NBAS: variants seen among roughly 807,000 people sequenced by gnomAD.
NBAS encodes the protein NBAS subunit of NRZ tethering complex.
Under a neutral mutation model 302.5 loss-of-function variants are expected in NBAS, and 219 were observed. The ratio of observed to expected loss-of-function variants is 0.72; its 90% CI spans 0.65 to 0.81. The LOEUF (loss-of-function observed/expected upper bound fraction) is 0.81. Among genes scored for constraint, NBAS ranks in the 30% least tolerant of loss-of-function variants. NBAS has a pLI of 0.00. For missense variants in NBAS, 2,932 were observed against 2,841.6 expected (o/e 1.03, Z -0.72); for synonymous variants, 1,118 against 1,021.6 (o/e 1.09, Z -1.80).
chr2:15,310,700 T>C (rs891236032), intron 38 of NBAS, among the ~76,000 whole-genome samples: 2 of 152,214 alleles, frequency 1.3e-5, no homozygotes, highest in Admixed American at 1.3e-4. Context: ...CCTCGCCTAT[T>C]ACTTCCCACG....
the NBAS span, among the ~76,000 whole-genome samples, chr2:15,154,761 A>C: frequency 6.6e-6 from 1 of 151,930 alleles, no homozygotes; most frequent in Admixed American, 6.6e-5. Flanking sequence ...AGCACCACAC[A>C]CCCTGGACAA....
intron 31 of NBAS, among the ~76,000 whole-genome samples, chr2:15,368,191 CTTTT>C (rs1197291033): frequency 4.7e-5 from 4 of 84,890 alleles, no homozygotes; most frequent in East Asian, 3.6e-4. Context: ...AATGTTTTGA[CTTTT>C]TTTTTTTTTT....
At chr2:14,857,320 T>C in the NBAS span, among the ~76,000 whole-genome samples, 16 of 151,954 alleles carry the variant, frequency 1.1e-4, no homozygotes, top group African/African-American at 3.9e-4. Flanking sequence ...ATAGTAAAAA[T>C]AATCCTAGAA....
chr2:15,121,214 AC>A, the NBAS span, among the ~76,000 whole-genome samples: 105 of 152,298 alleles, frequency 6.9e-4, 4 homozygotes, highest in South Asian at 0.021. Flanking sequence ...GCCTGCTTTG[AC>A]ATCCTGAAGA....
chr2:15,511,892 C>T lies in NBAS; in HGVS notation c.747-542G>A, dbSNP rs141134847. 2.8e-3 allele frequency among the ~76,000 whole-genome samples: 429 copies of T among 152,234 alleles called. 1 individual carries two copies. The highest frequency in any genetic ancestry group is 6.8e-3 in the Middle Eastern group (2 of 294). On this transcript the variant is annotated intron_variant, in intron 9 of 51. Coordinates refer to ENST00000281513, the MANE Select transcript of NBAS (RefSeq NM_015909.4). ...GTTACACTCCATTCATAACTGGAGG[C>T]CAGTTACCAACAGGGCAAACAGCCT...
At chr2:14,887,793 C>A in the NBAS span, among the ~76,000 whole-genome samples, 1 of 152,134 alleles carries the variant, frequency 6.6e-6, no homozygotes, top group Non-Finnish European at 1.5e-5. Context: ...TATCAAAAAC[C>A]AAACTTCTTA....
rs1440737790 is a variant in NBAS at position 15,432,797 on chromosome 2, C to T, written c.2340-5003G>A. 3.9e-5 allele frequency among the ~76,000 whole-genome samples: 6 copies of T among 152,234 alleles called. No homozygotes were observed. In the East Asian group the frequency reaches 7.7e-4, roughly 20 times the overall value. ...CTGAACAAGTCAAATTGATCTGAAA[C>T]TCAGTGGGAAACCAATTAAAAAGCT... is the stretch of plus-strand genomic sequence containing the variant. On this transcript the variant is annotated intron_variant, in intron 21 of 51. Coordinates refer to ENST00000281513, the MANE Select transcript of NBAS (RefSeq NM_015909.4).
chr2:14,978,219 C>A, the NBAS span, among the ~76,000 whole-genome samples: 2 of 152,166 alleles, frequency 1.3e-5, no homozygotes, highest in African/African-American at 4.8e-5. Flanking sequence ...TCCAAGACAG[C>A]GTAATTCTCT....
intron 21 of NBAS, among the ~76,000 whole-genome samples, chr2:15,440,877 G>C (rs943214117): frequency 1.3e-5 from 2 of 151,872 alleles, no homozygotes; most frequent in African/African-American, 2.4e-5. Context: ...CTCAGGAGCC[G>C]ATGCGATCAA....
chr2:15,456,306 C>G (rs1300132782), intron 21 of NBAS, among the ~76,000 whole-genome samples: 1 of 152,200 alleles, frequency 6.6e-6, no homozygotes, highest in Non-Finnish European at 1.5e-5. Flanking sequence ...AATGCCAAGG[C>G]AAAAGTTCTG....
chr2:15,369,279 T>C (rs1674370349), intron 31 of NBAS, among the ~76,000 whole-genome samples: 1 of 152,190 alleles, frequency 6.6e-6, no homozygotes, highest in Admixed American at 6.5e-5. Context: ...CTGACTTCCT[T>C]ACTTTTACCA....
At chr2:15,302,059 GC>G (rs1670825393) in intron 40 of NBAS, among the ~76,000 whole-genome samples, 1 of 152,214 alleles carries the variant, frequency 6.6e-6, no homozygotes, top group South Asian at 2.1e-4. Context: ...TGTTCACGAG[GC>G]TGTCGCAGGA....
At chr2:15,112,755 T>G in the NBAS span, among the ~76,000 whole-genome samples, 504 of 3,324 alleles carry the variant, frequency 0.15, 1 homozygote, top group African/African-American at 0.34. Context: ...AAAAAAAATA[T>G]AAACCGAATT....
the NBAS span, among the ~76,000 whole-genome samples, chr2:15,097,551 C>T: frequency 6.6e-6 from 1 of 152,008 alleles, no homozygotes; most frequent in Non-Finnish European, 1.5e-5. Context: ...GATCAGGGAG[C>T]CAGCATGATG....
At chr2:15,424,591 TGG>T in intron 22 of NBAS, 123 bp from the exon 23 acceptor site, 1 of 1,135,362 alleles carries the variant, frequency 8.8e-7, no homozygotes, top group South Asian at 1.2e-5. Context: ...TACATGTATG[TGG>T]TTTGTGTATC....
chr2:15,513,603 T>C (rs1439278287), intron 9 of NBAS, among the ~76,000 whole-genome samples: 1 of 148,926 alleles, frequency 6.7e-6, no homozygotes, highest in Non-Finnish European at 1.5e-5. Flanking sequence ...ATAAATGGCC[T>C]GGGTTTTTTT....
the NBAS span, among the ~76,000 whole-genome samples, chr2:15,153,226 A>G: frequency 6.6e-6 from 1 of 152,276 alleles, no homozygotes; most frequent in Non-Finnish European, 1.5e-5. Flanking sequence ...GAGTATGGTC[A>G]GTGATGCAGA....
the NBAS span, among the ~76,000 whole-genome samples, chr2:15,022,192 G>T: frequency 6.6e-6 from 1 of 152,120 alleles, no homozygotes; most frequent in African/African-American, 2.4e-5. Context: ...CCACCTTAAG[G>T]GGGACAATAA....
At chr2:15,511,161 A>T in intron 10 of NBAS, 51 bp downstream of exon 10, 1 of 1,609,416 alleles carries the variant, frequency 6.2e-7, no homozygotes, top group Non-Finnish European at 8.5e-7. Flanking sequence ...TAAGACAAAT[A>T]GCACAGTGAA....
Sources: gnomAD v4.1 joint callset for allele counts (sites outside exome capture counted in the v4.1 genomes callset) on GRCh38, gnomAD v4.1.1 for gene constraint, MANE v1.5 for transcripts, NCBI Gene and HGNC (gene_info 2026-07-23, HGNC 2026-07-21) for gene names.